The following COL5A2 variants were observed in gnomAD, a reference collection of about 807,000 sequenced individuals.
COL5A2 encodes the protein collagen alpha-2(V) chain.
A neutral mutation model predicts 208.2 loss-of-function variants in COL5A2; 23 were observed. That is an observed-to-expected ratio of 0.11 (90% CI 0.08 to 0.16). The LOEUF is 0.16. Ranked by LOEUF, COL5A2 falls within the 10% of genes least tolerant of loss-of-function variation. COL5A2 has a pLI of 1.00. For missense variants in COL5A2, 1,590 were observed against 1,956.4 expected, an observed-to-expected ratio of 0.81 and a Z score of 3.53; for synonymous variants, 625 against 628.5, an observed-to-expected ratio of 0.99 and a Z score of 0.08.
At chr2:189,052,843 A>C (rs1343072912) in intron 39 of COL5A2, 41 bp from the exon 40 acceptor site, 1 of 1,612,796 alleles carries the variant, frequency 6.2e-7, no homozygotes, top group Non-Finnish European at 8.5e-7. Flanking sequence ...GTGAAGCAAA[A>C]GAGGCTGAAT....
At chr2:189,164,086 A>G (rs1688420512) in intron 1 of COL5A2, among the ~76,000 whole-genome samples, 1 of 152,176 alleles carries the variant, frequency 6.6e-6, no homozygotes, top group Admixed American at 6.6e-5. Context: ...GAGGGATGAT[A>G]GGACTTTTTT....
chr2:189,216,469 C>T (rs569520712), intron 1 of COL5A2, among the ~76,000 whole-genome samples: 64 of 151,688 alleles, frequency 4.2e-4, no homozygotes, highest in African/African-American at 1.5e-3. Flanking sequence ...AATCGAGATG[C>T]CTGCTGCCTT....
At position 189,072,102 on chromosome 2, in the gene COL5A2, A is replaced by T. The variant is rs1454714369; in HGVS notation, c.1105-9T>A. 6.2e-7 allele frequency: 1 copy of T among 1,601,162 alleles called. No individual in the cohort carries two copies. Among genetic ancestry groups the T allele is most frequent in the Admixed American group, 1.7e-5 (1 of 59,558 alleles). ...GGTATCCCAAGAGGACCCTATTAAA[A>T]GAAACCAGAAAAGTAATCAGACATG... On this transcript the variant is annotated splice_polypyrimidine_tract_variant and intron_variant, in intron 17 of 53. Transcript: ENST00000374866.
intron 1 of COL5A2, among the ~76,000 whole-genome samples, chr2:189,122,915 A>G (rs1036939208): frequency 6.6e-6 from 1 of 152,192 alleles, no homozygotes; most frequent in African/African-American, 2.4e-5. Context: ...GCCACGAGAC[A>G]CTAGGTAGAA....
rs1236877990 is a variant in COL5A2 at position 189,049,461 on chromosome 2, T to C, written c.3040-7A>G. ...CTACTTTTCCTGGTGTTCCCTGAAATAGAAGTATAAATGTCAAACACTTGT... is the reference window on the plus strand; with the variant it reads ...CTACTTTTCCTGGTGTTCCCTGAAACAGAAGTATAAATGTCAAACACTTGT... On this transcript the variant is annotated splice_polypyrimidine_tract_variant and splice_region_variant and intron_variant, in intron 43 of 53. Transcript: ENST00000374866. 4.4e-6 allele frequency: 7 copies of C among 1,605,532 alleles called. No individual in the cohort carries two copies. The highest frequency in any genetic ancestry group is 2.2e-5 in the East Asian group (1 of 44,782).
chr2:189,402,601 AT>A, the COL5A2 span, among the ~76,000 whole-genome samples: 1 of 152,134 alleles, frequency 6.6e-6, no homozygotes, highest in African/African-American at 2.4e-5. Flanking sequence ...TCCAGTTTCA[AT>A]TTTTTCATAT....
the COL5A2 span, among the ~76,000 whole-genome samples, chr2:189,376,989 C>G: frequency 6.6e-6 from 1 of 152,118 alleles, no homozygotes; most frequent in Non-Finnish European, 1.5e-5. Context: ...TTACCAATTA[C>G]GTGCATGAGT....
chr2:189,138,616 A>G (rs1687871331), intron 1 of COL5A2, among the ~76,000 whole-genome samples: 1 of 152,168 alleles, frequency 6.6e-6, no homozygotes, highest in South Asian at 2.1e-4. Context: ...CTCCAATATA[A>G]GGAACAAGAG....
chr2:189,234,476 T>C, the COL5A2 span, among the ~76,000 whole-genome samples: 2 of 151,808 alleles, frequency 1.3e-5, no homozygotes, highest in Non-Finnish European at 2.9e-5. Flanking sequence ...TTTGGTAATG[T>C]AGTTACATAA....
At chr2:189,246,580 C>T in the COL5A2 span, among the ~76,000 whole-genome samples, 1 of 152,156 alleles carries the variant, frequency 6.6e-6, no homozygotes, top group Admixed American at 6.5e-5. Flanking sequence ...CACTTAGCTA[C>T]ATACCTTGAC....
chr2:189,399,865 A>G, the COL5A2 span, among the ~76,000 whole-genome samples: 1 of 151,846 alleles, frequency 6.6e-6, no homozygotes, highest in East Asian at 1.9e-4. Flanking sequence ...ATGTCTGGCT[A>G]ATTTTTGTAT....
chr2:189,373,683 A>AC, the COL5A2 span, among the ~76,000 whole-genome samples: 1 of 152,366 alleles, frequency 6.6e-6, no homozygotes, highest in South Asian at 2.1e-4. Context: ...CTGGAAAAAA[A>AC]TATGGCAAGG....
the COL5A2 span, among the ~76,000 whole-genome samples, chr2:189,305,514 C>A: frequency 6.6e-6 from 1 of 152,176 alleles, no homozygotes; most frequent in African/African-American, 2.4e-5. Flanking sequence ...ATTGAGTAAA[C>A]CCTCACCAGA....
chr2:189,405,520 G>A, the COL5A2 span, among the ~76,000 whole-genome samples: 10 of 152,272 alleles, frequency 6.6e-5, no homozygotes, highest in Non-Finnish European at 1.3e-4. Context: ...GTGAGCCACC[G>A]TGCCTGGCCT....
chr2:189,121,818 T>A (rs968018478), intron 1 of COL5A2, among the ~76,000 whole-genome samples: 19 of 151,990 alleles, frequency 1.3e-4, no homozygotes, highest in Non-Finnish European at 2.6e-4. Context: ...GAATTCTGGA[T>A]TATTGTGTTT....
intron 1 of COL5A2, among the ~76,000 whole-genome samples, chr2:189,115,749 C>T (rs186015982): frequency 1.3e-5 from 2 of 152,284 alleles, no homozygotes; most frequent in African/African-American, 2.4e-5. Flanking sequence ...TTATATAATC[C>T]GTCTTTGATA....
At chr2:189,183,364 C>T (rs1466389962), upstream of COL5A2, among the ~76,000 whole-genome samples, 1 of 152,180 alleles carries the variant, frequency 6.6e-6, no homozygotes, top group Non-Finnish European at 1.5e-5. Flanking sequence ...TCCAATCTTG[C>T]ACTATCAGCT....
the COL5A2 span, among the ~76,000 whole-genome samples, chr2:189,341,905 T>C: frequency 1.3e-5 from 2 of 152,272 alleles, no homozygotes; most frequent in East Asian, 1.9e-4. Context: ...GGCCAATCTT[T>C]CCTAAACATT....
At chr2:189,359,666 T>A in the COL5A2 span, among the ~76,000 whole-genome samples, 1 of 152,166 alleles carries the variant, frequency 6.6e-6, no homozygotes, top group African/African-American at 2.4e-5. Flanking sequence ...TTAAATCTTT[T>A]ATAGATTCAG....
Sources: allele counts gnomAD v4.1 joint callset (sites outside exome capture counted in the v4.1 genomes callset), GRCh38; gene constraint gnomAD v4.1.1; transcripts MANE v1.5; gene names NCBI Gene and HGNC (gene_info 2026-07-23, HGNC 2026-07-21).